Variants in EXOC4 observed in about 807,000 individuals in gnomAD.
EXOC4 encodes the protein SEC8-like 1.
EXOC4 carries 71 observed loss-of-function variants against 107.2 expected under a neutral mutation model. That is an observed-to-expected ratio of 0.66 (90% confidence interval 0.55 to 0.81). The LOEUF is 0.81. Ranked by LOEUF, EXOC4 falls within the 30% of genes least tolerant of loss-of-function variation. The probability of loss-of-function intolerance (pLI) is 0.00; values close to 1 mark genes in which losing one functional copy is unlikely to be tolerated. For synonymous variants in EXOC4, 456 were observed against 441.2 expected, an observed-to-expected ratio of 1.03 and a Z score of -0.42; for missense variants, 1,108 against 1,189.6, an observed-to-expected ratio of 0.93 and a Z score of 1.01.
At chr7:133,945,546 A>G (rs2116764770) in intron 14 of EXOC4, among the ~76,000 whole-genome samples, 1 of 152,308 alleles carries the variant, frequency 6.6e-6, no homozygotes. Flanking sequence ...AACAACAAAA[A>G]TGTTCCTCTT....
chr7:133,480,292 G>A (rs905637225), intron 9 of EXOC4, 154 bp downstream of exon 9: 5 of 1,463,854 alleles, frequency 3.4e-6, no homozygotes, highest in Admixed American at 4.5e-5. Flanking sequence ...CCCAGCATCT[G>A]CTGCCAAGCA....
intron 14 of EXOC4, among the ~76,000 whole-genome samples, chr7:133,973,848 T>C (rs1464384771): frequency 6.6e-6 from 1 of 152,206 alleles, no homozygotes; most frequent in Non-Finnish European, 1.5e-5. Flanking sequence ...TTTCTTATAG[T>C]TCTGGAGGAT....
At chr7:133,257,923 T>C (rs1407991351) in intron 1 of EXOC4, among the ~76,000 whole-genome samples, 1 of 152,230 alleles carries the variant, frequency 6.6e-6, no homozygotes, top group East Asian at 1.9e-4. Context: ...ACCAGGGCTT[T>C]GAACGAACAG....
In EXOC4 at chr7:134,046,579, C is replaced by G. The variant is rs563638140; in HGVS notation, c.2688-17712C>G. 4.1e-5 allele frequency among the ~76,000 whole-genome samples: 6 copies of G among 145,640 alleles called. No homozygotes were observed. The South Asian group carries it at 1.3e-3, about 31-fold the overall frequency. On this transcript the variant is annotated intron_variant, in intron 17 of 17. Transcript: ENST00000253861. ...TTTTTTTTTTTTTCTGAGTTTGTTT[C>G]CTTGTGTTATCTATTAATACAGGTA...
intron 17 of EXOC4, among the ~76,000 whole-genome samples, chr7:134,022,826 C>T (rs1486851708): frequency 6.6e-6 from 1 of 152,208 alleles, no homozygotes. Flanking sequence ...GCTCACTCCT[C>T]AAAATAGGAA....
intron 7 of EXOC4, among the ~76,000 whole-genome samples, chr7:133,388,385 C>T (rs568284088): frequency 7.2e-5 from 11 of 152,032 alleles, no homozygotes; most frequent in African/African-American, 1.2e-4. Flanking sequence ...TATGGTGGCT[C>T]GCGTCTGTAA....
chr7:133,533,749 A>G (rs1800223106), intron 9 of EXOC4, among the ~76,000 whole-genome samples: 1 of 152,068 alleles, frequency 6.6e-6, no homozygotes, highest in South Asian at 2.1e-4. Flanking sequence ...TTTTATAGAA[A>G]CTATAGTATG....
intron 10 of EXOC4, among the ~76,000 whole-genome samples, chr7:133,785,221 CCTACATGGGTAATTT>C (rs1427891602): frequency 6.6e-6 from 1 of 152,072 alleles, no homozygotes; most frequent in Non-Finnish European, 1.5e-5. Flanking sequence ...GGTCTGTTTG[CCTACATGGGTAATTT>C]CTAGAATTAA....
intron 10 of EXOC4, among the ~76,000 whole-genome samples, chr7:133,772,066 A>C (rs1325080393): frequency 6.6e-6 from 1 of 152,000 alleles, no homozygotes; most frequent in Non-Finnish European, 1.5e-5. Context: ...GTTGAAGGAC[A>C]GGAGAAGTCA....
rs183577848 is a variant in EXOC4, at chr7:133,636,400, C to T, written c.1514+6259C>T. On this transcript the variant is annotated intron_variant, in intron 10 of 17. Transcript: ENST00000253861. ...TTATAATATTTAGGGAATCTGAAGG[C>T]CTGGCATTTTGAAATTTAAAAGTTT... is the stretch of plus-strand genomic sequence containing the variant. Among the ~76,000 whole-genome samples the T allele has an allele frequency of 1.2e-3, 185 of 152,190 alleles. 1 individual carries two copies. Among genetic ancestry groups the T allele is most frequent in the African/African-American group, 4.3e-3 (177 of 41,520 alleles).
At chr7:133,621,055 A>G (rs1003268463) in intron 9 of EXOC4, among the ~76,000 whole-genome samples, 1 of 152,200 alleles carries the variant, frequency 6.6e-6, no homozygotes, top group Admixed American at 6.5e-5. Flanking sequence ...TTCAGACTCC[A>G]TTATAGAAAC....
chr7:133,927,611 A>T (rs1005628994), intron 13 of EXOC4, among the ~76,000 whole-genome samples: 10 of 152,238 alleles, frequency 6.6e-5, no homozygotes, highest in Non-Finnish European at 1.5e-4. Flanking sequence ...TAAATTGGAG[A>T]CATTTATTTC....
At chr7:133,503,362 T>G (rs1349451642) in intron 9 of EXOC4, among the ~76,000 whole-genome samples, 1 of 152,276 alleles carries the variant, frequency 6.6e-6, no homozygotes, top group Admixed American at 6.5e-5. Flanking sequence ...AATCAGAGAT[T>G]GTTGCTATGG....
intron 9 of EXOC4, among the ~76,000 whole-genome samples, chr7:133,578,692 G>T (rs1801186496): frequency 1.3e-5 from 2 of 152,170 alleles, no homozygotes; most frequent in African/African-American, 2.4e-5. Context: ...AGTTGGCATA[G>T]CTGTCAAAGT....
chr7:133,678,450 C>T (rs1794113422), intron 10 of EXOC4, among the ~76,000 whole-genome samples: 1 of 152,154 alleles, frequency 6.6e-6, no homozygotes, highest in African/African-American at 2.4e-5. Context: ...CTCATGCTGA[C>T]CCCTTTCTTA....
chr7:133,663,341 A>G (rs1464963616), intron 10 of EXOC4, among the ~76,000 whole-genome samples: 1 of 151,562 alleles, frequency 6.6e-6, no homozygotes, highest in Non-Finnish European at 1.5e-5. Flanking sequence ...TTTCATGTAC[A>G]CTCACTTCCC....
intron 10 of EXOC4, among the ~76,000 whole-genome samples, chr7:133,803,462 A>G (rs1796996005): frequency 6.6e-6 from 1 of 151,944 alleles, no homozygotes; most frequent in East Asian, 1.9e-4. Context: ...GCAGACATTG[A>G]CTCTTGCTTG....
chr7:133,263,506 G>A (rs959202529), intron 1 of EXOC4, among the ~76,000 whole-genome samples: 5 of 150,046 alleles, frequency 3.3e-5, no homozygotes, highest in East Asian at 2.0e-4. Flanking sequence ...CTCAGCCTCC[G>A]GAGTAGCGAG....
intron 8 of EXOC4, among the ~76,000 whole-genome samples, chr7:133,478,191 G>A (rs566419185): frequency 2.7e-5 from 4 of 147,862 alleles, no homozygotes; most frequent in African/African-American, 1.0e-4. Context: ...AATCATTGCA[G>A]AAAACAGGCT....
Sources: gnomAD v4.1 joint callset for allele counts (sites outside exome capture counted in the v4.1 genomes callset) on GRCh38, gnomAD v4.1.1 for gene constraint, MANE v1.5 for transcripts, NCBI Gene and HGNC (gene_info 2026-07-23, HGNC 2026-07-21) for gene names.